GNAI1: variants seen among roughly 807,000 people sequenced by gnomAD.
The protein encoded by GNAI1 is G protein subunit alpha i1, also known as guanine nucleotide-binding protein G(i) subunit alpha-1.
GNAI1 carries 11 observed loss-of-function variants against 38.9 expected under a neutral mutation model. That is an observed-to-expected ratio of 0.28 (90% CI 0.18 to 0.47). GNAI1 has a LOEUF of 0.47. Among genes scored for constraint, GNAI1 ranks in the 20% least tolerant of loss-of-function variants. The pLI, the probability that GNAI1 is intolerant of heterozygous loss-of-function variation, is 0.99. For missense variants in GNAI1, 317 were observed against 436.9 expected (o/e 0.73, Z 2.45); for synonymous variants, 166 against 145.1 (o/e 1.14, Z -1.04).
At position 80,212,801 on chromosome 7, in the gene GNAI1, A is replaced by G; in HGVS notation, c.806A>G (p.Asn269Ser). The change falls in exon 7 of 8, where the codon AAC becomes AGC. Residue 269 changes from asparagine to serine, a missense_variant. Transcript: ENST00000649796. Reference protein sequence around the residue: ...FTDTSIILFLNKKDLFEEKIK... With the variant: ...FTDTSIILFLSKKDLFEEKIK... ...GATACATCCATTATACTTTTTCTAA[A>G]CAAGAAGGATCTCTTTGAAGAAAAA... 1.9e-6 allele frequency: 3 copies of G among 1,579,920 alleles called. No homozygotes were observed. Among genetic ancestry groups the G allele is most frequent in the Non-Finnish European group, 2.6e-6 (3 of 1,162,990 alleles).
At chr7:80,189,306 A>C in intron 3 of GNAI1, 75 bp downstream of exon 3, 6 of 1,268,660 alleles carry the variant, frequency 4.7e-6, no homozygotes, top group Non-Finnish European at 6.8e-6. Context: ...ATACTGTGTA[A>C]CATAGGCTTG....
At position 80,212,883 on chromosome 7, in the gene GNAI1, C is replaced by T; in HGVS notation, c.874+14C>T. On this transcript the variant is annotated intron_variant, in intron 7 of 7. Coordinates refer to ENST00000649796, the MANE Select transcript of GNAI1 (RefSeq NM_002069.6). ...CAGAATATGCAGGTATTTTCCTTTT[C>T]TGGGAATAACTTGTCAAGTTACATA... 1 of 1,515,014 alleles carries T rather than the reference C, an allele frequency of 6.6e-7. No homozygotes were observed. Among genetic ancestry groups the T allele is most frequent in the Non-Finnish European group, 8.9e-7 (1 of 1,124,832 alleles). The allele number at this position is 1,515,014 out of a possible 1,614,324, so 93.8% of individuals were successfully genotyped here. A position where few individuals can be genotyped will look rare whatever the true frequency, so the allele number is the denominator to read the frequency against.
chr7:80,152,441 A>G (rs1584010716), intron 1 of GNAI1, among the ~76,000 whole-genome samples: 1 of 152,128 alleles, frequency 6.6e-6, no homozygotes, highest in African/African-American at 2.4e-5. Flanking sequence ...TAGATAGTTT[A>G]AAAGGGGAAA....
intron 1 of GNAI1, among the ~76,000 whole-genome samples, chr7:80,138,087 T>C (rs1355857594): frequency 6.6e-6 from 1 of 152,220 alleles, no homozygotes; most frequent in Non-Finnish European, 1.5e-5. Flanking sequence ...TCACAGCCAT[T>C]TACATTAGAT....
intron 3 of GNAI1, among the ~76,000 whole-genome samples, chr7:80,198,088 T>A (rs891391981): frequency 6.6e-6 from 1 of 152,000 alleles, no homozygotes; most frequent in Non-Finnish European, 1.5e-5. Flanking sequence ...GTTTTGTTTT[T>A]TTTTTAATTG....
At chr7:80,199,035 GTGTGATTAT>G (rs909342098) in intron 3 of GNAI1, among the ~76,000 whole-genome samples, 181 bp from the exon 4 acceptor site, 5 of 152,236 alleles carry the variant, frequency 3.3e-5, no homozygotes, top group African/African-American at 9.6e-5. Context: ...GACATATGAT[GTGTGATTAT>G]TGTCTTTTGG....
At chr7:80,210,540 T>C (rs1788854702) in intron 5 of GNAI1, among the ~76,000 whole-genome samples, 1 of 152,196 alleles carries the variant, frequency 6.6e-6, no homozygotes, top group Admixed American at 6.5e-5. Flanking sequence ...GTCTCTGTTC[T>C]CTGCCTTCAA....
intron 1 of GNAI1, among the ~76,000 whole-genome samples, chr7:80,141,957 A>G (rs1003884621): frequency 4.6e-5 from 7 of 152,144 alleles, no homozygotes; most frequent in Non-Finnish European, 7.4e-5. Context: ...CCAAGTCCTC[A>G]TCAGCAGCAA....
intron 1 of GNAI1, among the ~76,000 whole-genome samples, chr7:80,173,463 C>G (rs1211962707): frequency 6.6e-6 from 1 of 152,070 alleles, no homozygotes; most frequent in Admixed American, 6.6e-5. Flanking sequence ...GAGAATGTCC[C>G]AAAACTGCAA....
chr7:80,148,581 T>C (rs1316968483), intron 1 of GNAI1, among the ~76,000 whole-genome samples: 2 of 152,084 alleles, frequency 1.3e-5, no homozygotes, highest in Admixed American at 6.6e-5. Context: ...ATGATTTTGT[T>C]AGATAAGCAA....
chr7:80,188,705 C>T (rs993191371), intron 1 of GNAI1, among the ~76,000 whole-genome samples: 1 of 152,134 alleles, frequency 6.6e-6, no homozygotes, highest in Non-Finnish European at 1.5e-5. Context: ...AAAATCCTGA[C>T]TCCATACAGT....
intron 1 of GNAI1, among the ~76,000 whole-genome samples, chr7:80,183,554 GAC>G (rs1201318432): frequency 1.3e-5 from 2 of 151,888 alleles, no homozygotes; most frequent in East Asian, 3.9e-4. Flanking sequence ...TGTGATGTTG[GAC>G]ACCCTCCATC....
chr7:80,185,792 A>C (rs374448670), intron 1 of GNAI1, among the ~76,000 whole-genome samples: 2 of 152,108 alleles, frequency 1.3e-5, no homozygotes, highest in African/African-American at 4.8e-5. Flanking sequence ...CCTGTATGCT[A>C]TATGGAGAAA....
At chr7:80,146,390 A>G (rs1167205509) in intron 1 of GNAI1, among the ~76,000 whole-genome samples, 1 of 152,172 alleles carries the variant, frequency 6.6e-6, no homozygotes, top group Non-Finnish European at 1.5e-5. Context: ...AATGCAAAAG[A>G]GAAAAAAAGC....
intron 1 of GNAI1, among the ~76,000 whole-genome samples, chr7:80,148,770 A>G (rs1403565147): frequency 6.6e-6 from 1 of 152,104 alleles, no homozygotes; most frequent in Non-Finnish European, 1.5e-5. Context: ...AGCTATTTAG[A>G]TTGATGGTAG....
intron 4 of GNAI1, among the ~76,000 whole-genome samples, chr7:80,199,828 G>T (rs1320330007): frequency 6.6e-6 from 1 of 152,122 alleles, no homozygotes; most frequent in African/African-American, 2.4e-5. Context: ...TTTTTTGAAG[G>T]AGTGCAAGAT....
intron 7 of GNAI1, among the ~76,000 whole-genome samples, chr7:80,214,025 G>T (rs1788917855): frequency 6.6e-6 from 1 of 152,104 alleles, no homozygotes; most frequent in Non-Finnish European, 1.5e-5. Flanking sequence ...GCTTCCTGAA[G>T]CCAGAGTCCA....
chr7:80,137,355 C>T (rs1186656153), intron 1 of GNAI1, among the ~76,000 whole-genome samples: 2 of 109,498 alleles, frequency 1.8e-5, no homozygotes, highest in East Asian at 2.7e-4. Flanking sequence ...GAGTCTTGCG[C>T]AGTCGCCCAG....
intron 1 of GNAI1, among the ~76,000 whole-genome samples, chr7:80,144,567 A>G (rs1191792437): frequency 6.6e-6 from 1 of 152,142 alleles, no homozygotes; most frequent in Non-Finnish European, 1.5e-5. Context: ...TCCTCCTGTT[A>G]CCCTTGCCTC....
Sources: gnomAD v4.1 joint callset for allele counts (sites outside exome capture counted in the v4.1 genomes callset) on GRCh38, gnomAD v4.1.1 for gene constraint, MANE v1.5 for transcripts, NCBI Gene and HGNC (gene_info 2026-07-23, HGNC 2026-07-21) for gene names.